Variants in IL17B observed in about 807,000 individuals in gnomAD.
IL17B encodes the protein interleukin 17B.
A neutral mutation model predicts 14.7 loss-of-function variants in IL17B; 14 were observed. That is an observed-to-expected ratio of 0.95 (90% CI 0.63 to 1.49). The LOEUF is 1.49. Ranked by LOEUF, IL17B falls within the 40% of genes most tolerant of loss-of-function variation. The pLI is 0.00. For missense variants in IL17B, 233 were observed against 252.8 expected (o/e 0.92, Z 0.53); for synonymous variants, 105 against 94.8 (o/e 1.11, Z -0.62).
chr5:149,382,150 C>T (rs1758714786), upstream of IL17B, among the ~76,000 whole-genome samples: 1 of 152,016 alleles, frequency 6.6e-6, no homozygotes, highest in African/African-American at 2.4e-5. Flanking sequence ...AAGAGCGGCC[C>T]GGGACTGAGA....
At chr5:149,379,468 G>A (rs1462866378), upstream of IL17B, among the ~76,000 whole-genome samples, 3 of 152,238 alleles carry the variant, frequency 2.0e-5, no homozygotes, top group Admixed American at 1.3e-4. Context: ...GTGCCCAGGG[G>A]CTGTTGACCG....
intron 1 of IL17B, among the ~76,000 whole-genome samples, chr5:149,392,401 A>G (rs1176400207): frequency 1.3e-5 from 2 of 152,238 alleles, no homozygotes; most frequent in African/African-American, 4.8e-5. Context: ...CATTCAAAGA[A>G]TGAGGCAGCC....
intron 1 of IL17B, among the ~76,000 whole-genome samples, chr5:149,394,625 T>C (rs1402475638): frequency 6.6e-6 from 1 of 152,204 alleles, no homozygotes; most frequent in Non-Finnish European, 1.5e-5. Flanking sequence ...GAAAACTGTA[T>C]TACAGGGATA....
upstream of IL17B, among the ~76,000 whole-genome samples, chr5:149,379,489 C>T (rs961320504): frequency 1.6e-4 from 24 of 152,202 alleles, no homozygotes; most frequent in Non-Finnish European, 3.4e-4. Flanking sequence ...AGGGACAATG[C>T]CCTGTGTGTC....
At chr5:149,376,372 C>T (rs975568349) in intron 2 of IL17B, among the ~76,000 whole-genome samples, 1 of 152,214 alleles carries the variant, frequency 6.6e-6, no homozygotes, top group Admixed American at 6.5e-5. Context: ...ACTGGAACAC[C>T]GCATGGAAGC....
intron 1 of IL17B, among the ~76,000 whole-genome samples, chr5:149,400,439 T>G (rs1312190720): frequency 6.6e-6 from 1 of 152,170 alleles, no homozygotes; most frequent in Non-Finnish European, 1.5e-5. Flanking sequence ...ATTCCCATCA[T>G]TTAAGCCACC....
intron 1 of IL17B, among the ~76,000 whole-genome samples, chr5:149,396,765 A>AAAAAAT (rs1304354624): frequency 6.6e-6 from 1 of 152,208 alleles, no homozygotes; most frequent in Non-Finnish European, 1.5e-5. Flanking sequence ...CCTGACTCAA[A>AAAAAAT]AAAAATAAAA....
upstream of IL17B, among the ~76,000 whole-genome samples, chr5:149,382,476 T>C (rs966328054): frequency 2.6e-5 from 4 of 152,254 alleles, no homozygotes; most frequent in African/African-American, 9.6e-5. Flanking sequence ...ATCCACTTAC[T>C]GACTGCCAGG....
chr5:149,389,968 G>A (rs970518911), intron 1 of IL17B, among the ~76,000 whole-genome samples: 5 of 152,168 alleles, frequency 3.3e-5, no homozygotes, highest in Non-Finnish European at 7.3e-5. Context: ...TCAAGGCAGG[G>A]AGGGGAGACG....
rs1223913702 is a variant in IL17B, at chr5:149,379,285, G to A, written c.-60C>T. The A allele has an allele frequency of 8.8e-5, 142 of 1,605,864 alleles. No individual in the cohort carries two copies. The highest frequency in any genetic ancestry group is 1.2e-4 in the Non-Finnish European group (136 of 1,173,708). ...CCCGCCTGGAACCCCAGATGCCGCC[G>A]AGAGAATGGCAGCAACAGGATGGAG... is the stretch of plus-strand genomic sequence containing the variant. On this transcript the variant is annotated 5_prime_UTR_variant, in exon 1 of 3. Coordinates refer to ENST00000261796, the MANE Select transcript of IL17B (RefSeq NM_014443.3).
In IL17B at chr5:149,376,811, A is replaced by G; in HGVS notation, c.236T>C (p.Leu79Pro). 1 of 1,613,984 alleles carries G rather than the reference A, an allele frequency of 6.2e-7. No individual in the cohort carries two copies. The highest frequency in any genetic ancestry group is 8.5e-7 in the Non-Finnish European group (1 of 1,179,882). ...MVAQLRNSSE[L>P]AQRKCEVNLQ... Reference sequence around the variant, plus strand: ...GTTGACCTCACACTTTCTCTGGGCCAGCTCTGAGCTGTTCCTCAGCTGGGC... The same window carrying G: ...GTTGACCTCACACTTTCTCTGGGCCGGCTCTGAGCTGTTCCTCAGCTGGGC... Residue 79 changes from leucine (L) to proline (P), a missense_variant, in exon 2 of 3, where the codon CTG (leucine) becomes CCG (proline). Leu to Pro is a moderately conservative substitution (Grantham distance 98). Coordinates refer to ENST00000261796, the MANE Select transcript of IL17B (RefSeq NM_014443.3).
chr5:149,376,285 G>T (rs1758530864), intron 2 of IL17B, among the ~76,000 whole-genome samples: 1 of 152,246 alleles, frequency 6.6e-6, no homozygotes, highest in Non-Finnish European at 1.5e-5. Context: ...ACCGCTGGAG[G>T]TTTGGATTGG....
At chr5:149,390,578 C>A (rs1758923281) in intron 1 of IL17B, among the ~76,000 whole-genome samples, 1 of 127,356 alleles carries the variant, frequency 7.9e-6, no homozygotes, top group African/African-American at 2.9e-5. Flanking sequence ...CACCTCCATC[C>A]CTGAGTTAGC....
At chr5:149,392,831 C>G (rs1320343583) in intron 1 of IL17B, among the ~76,000 whole-genome samples, 1 of 152,188 alleles carries the variant, frequency 6.6e-6, no homozygotes, top group Non-Finnish European at 1.5e-5. Context: ...GAGGCCTTAC[C>G]TTTGAGTCAA....
At chr5:149,388,299 A>T (rs1031550100) in intron 1 of IL17B, among the ~76,000 whole-genome samples, 26 of 152,146 alleles carry the variant, frequency 1.7e-4, no homozygotes, top group Admixed American at 1.6e-3. Context: ...TATGTTCATA[A>T]ATTCTTGTCT....
At position 149,374,529 on chromosome 5, in the gene IL17B, T is replaced by C. The variant is rs1223584193; in HGVS notation, c.383A>G (p.Asn128Ser). The change falls in exon 3 of 3, where the codon AAC (asparagine) becomes AGC (serine). Residue 128 changes from asparagine to serine, a missense_variant. Asn to Ser is a conservative substitution (Grantham distance 46). Coordinates refer to ENST00000261796, the MANE Select transcript of IL17B (RefSeq NM_014443.3). This position sits in a 1 kb window ranked among gnomAD's most constrained non-coding sequence, Gnocchi z 5.0. ...EARCLCLGCV[N>S]PFTMQEDRSM... The stretch of plus-strand genomic sequence containing the variant: ...GCGGTCCTCCTGCATGGTGAAGGGG[T>C]TCACACAGCCCAGACACAGGCACCG... 1 of 1,613,132 alleles carries C rather than the reference T, an allele frequency of 6.2e-7. No homozygotes were observed. The highest frequency in any genetic ancestry group is 1.7e-5 in the Admixed American group (1 of 60,026).
chr5:149,379,247 C>G lies in IL17B; in HGVS notation c.-22G>C. 6.2e-7 allele frequency: 1 copy of G among 1,613,750 alleles called. No individual in the cohort carries two copies. The highest frequency in any genetic ancestry group is 2.2e-5 in the East Asian group (1 of 44,882). The stretch of plus-strand genomic sequence containing the variant: ...CCATTCCGCCAAGCTGCAAGGTCAG[C>G]CTGCAGCTGCTGCCCGCCTGGAACC... On this transcript the variant is annotated 5_prime_UTR_variant, in exon 1 of 3. Coordinates refer to ENST00000261796, the MANE Select transcript of IL17B (RefSeq NM_014443.3).
At chr5:149,393,654 C>T (rs1258785841) in intron 1 of IL17B, among the ~76,000 whole-genome samples, 1 of 152,170 alleles carries the variant, frequency 6.6e-6, no homozygotes, top group Non-Finnish European at 1.5e-5. Flanking sequence ...AACTCCCTCC[C>T]TCTCTTCCTC....
rs1425413139 is a variant in IL17B, at chr5:149,374,613, G to C, written c.312-13C>G. On this transcript the variant is annotated splice_polypyrimidine_tract_variant and intron_variant, in intron 2 of 2. Coordinates refer to ENST00000261796, the MANE Select transcript of IL17B (RefSeq NM_014443.3). The surrounding 1 kb of genome is among the most constrained non-coding windows in gnomAD (Gnocchi z 5.0). ...GTCGTGGTTGATGCTGCAGGGAGCA[G>C]AAGAAAGAGCAGAGCGGAAGGTGAT... 2.5e-6 allele frequency: 4 copies of C among 1,601,308 alleles called. No homozygotes were observed. The highest frequency in any genetic ancestry group is 3.4e-6 in the Non-Finnish European group (4 of 1,170,430).
Sources: gnomAD v4.1 joint callset for allele counts (sites outside exome capture counted in the v4.1 genomes callset) on GRCh38, gnomAD v4.1.1 for gene constraint, Gnocchi (gnomAD v3.1) non-coding constraint, MANE v1.5 for transcripts, NCBI Gene and HGNC (gene_info 2026-07-23, HGNC 2026-07-21) for gene names.